The following LAPTM5 variants were observed in gnomAD, a reference collection of about 807,000 sequenced individuals.
The protein encoded by LAPTM5 is lysosomal-associated transmembrane protein 5.
Under a neutral mutation model 30.1 loss-of-function variants are expected in LAPTM5, and 11 were observed. That is an observed-to-expected ratio of 0.37 (90% CI 0.23 to 0.60). LAPTM5 has a LOEUF of 0.60. Ranked by LOEUF, LAPTM5 falls within the 20% of genes least tolerant of loss-of-function variation. The pLI, the probability that LAPTM5 is intolerant of heterozygous loss-of-function variation, is 0.71. For synonymous variants in LAPTM5, 151 were observed against 137.9 expected, an observed-to-expected ratio of 1.10 and a Z score of -0.67; for missense variants, 324 against 332.5, an observed-to-expected ratio of 0.97 and a Z score of 0.20.
chr1:30,741,555 C>T, intron 3 of LAPTM5, 85 bp downstream of exon 3: 1 of 979,814 alleles, frequency 1.0e-6, no homozygotes, highest in Non-Finnish European at 1.4e-6. Flanking sequence ...CCGCCTCCCA[C>T]CCTCTCAGCA....
chr1:30,752,212 G>T (rs1053154448), intron 1 of LAPTM5, among the ~76,000 whole-genome samples: 4 of 152,186 alleles, frequency 2.6e-5, no homozygotes, highest in African/African-American at 9.7e-5. Context: ...GTGCCAGCAG[G>T]GGGACCTGAA....
intron 1 of LAPTM5, among the ~76,000 whole-genome samples, chr1:30,748,616 C>A (rs922212033): frequency 6.6e-6 from 1 of 152,204 alleles, no homozygotes; most frequent in Non-Finnish European, 1.5e-5. Context: ...GCCAGCCCCC[C>A]AAGAGCACTA....
Position 30,757,754 on chromosome 1 carries a change from C to G in LAPTM5, c.-9G>C, listed in dbSNP as rs750377752. On this transcript the variant is annotated 5_prime_UTR_variant, in exon 1 of 8. Transcript: ENST00000294507. ...GACAAGCGGGGGTCCATGGTGCTGC[C>G]GTCCCCTCCTCTGAGACACTGAAGG... 5 of 1,612,380 alleles carry G rather than the reference C, an allele frequency of 3.1e-6. No homozygotes were observed. The highest frequency in any genetic ancestry group is 4.2e-6 in the Non-Finnish European group (5 of 1,179,406).
chr1:30,748,424 T>C (rs753772587), intron 1 of LAPTM5, among the ~76,000 whole-genome samples: 7 of 152,092 alleles, frequency 4.6e-5, no homozygotes, highest in Non-Finnish European at 8.8e-5. Flanking sequence ...ACTTCTGCCA[T>C]CATCATTATT....
rs1465450739 is a variant in LAPTM5, at chr1:30,739,988, T to G, written c.259-51A>C. On this transcript the variant is annotated intron_variant, in intron 3 of 7. Transcript: ENST00000294507. The surrounding 1 kb of genome is among the most constrained non-coding windows in gnomAD (Gnocchi z 4.2). ...AGTGTCCCCTGCATGCAGCCAACAC[T>G]CCGCCACCCAGCCTGATATCCTCAT... The G allele has an allele frequency of 6.0e-6, 9 of 1,498,290 alleles. No homozygotes were observed. The highest frequency in any genetic ancestry group is 8.1e-6 in the Non-Finnish European group (9 of 1,116,014). The allele number at this position is 1,498,290 out of a possible 1,614,324, so 92.8% of individuals were successfully genotyped here. A position where few individuals can be genotyped will look rare whatever the true frequency, so the allele number is the denominator to read the frequency against.
rs751072665 is a variant in LAPTM5 at position 30,746,605 on chromosome 1, C to T, written c.88-4056G>A. 3.3e-5 allele frequency among the ~76,000 whole-genome samples: 5 copies of T among 152,204 alleles called. No individual in the cohort carries two copies. Among genetic ancestry groups the T allele is most frequent in the Non-Finnish European group, 7.3e-5 (5 of 68,034 alleles). ...CTTCTCTCCCCCAACAATGCGCAGG[C>T]AGACAGCATGCCCTCACCCACTTGC... On this transcript the variant is annotated intron_variant, in intron 1 of 7. Coordinates refer to ENST00000294507, the MANE Select transcript of LAPTM5 (RefSeq NM_006762.3). The surrounding 1 kb of genome is among the most constrained non-coding windows in gnomAD (Gnocchi z 4.0).
intron 6 of LAPTM5, among the ~76,000 whole-genome samples, chr1:30,737,331 G>A (rs184789858): frequency 2.0e-4 from 31 of 152,200 alleles, no homozygotes; most frequent in African/African-American, 7.2e-4. Flanking sequence ...GGATTCAAAC[G>A]CAGGCCAGTC....
At chr1:30,741,542 T>C in intron 3 of LAPTM5, 98 bp downstream of exon 3, 1 of 782,076 alleles carries the variant, frequency 1.3e-6, no homozygotes, top group Non-Finnish European at 1.9e-6. Context: ...CCGCCTAACA[T>C]ACCCGCCTCC....
chr1:30,748,684 G>GA (rs1246666544), intron 1 of LAPTM5, among the ~76,000 whole-genome samples: 1 of 152,154 alleles, frequency 6.6e-6, no homozygotes, highest in East Asian at 1.9e-4. Context: ...CATTCCTGGG[G>GA]CCACGCACTC....
chr1:30,737,392 T>C (rs1469492251), intron 6 of LAPTM5, among the ~76,000 whole-genome samples: 1 of 152,002 alleles, frequency 6.6e-6, no homozygotes, highest in Non-Finnish European at 1.5e-5. Context: ...CAGGTGGCCT[T>C]TACGGATTCA....
rs574467527 is a variant in LAPTM5 at position 30,746,675 on chromosome 1, G to A, written c.88-4126C>T. On this transcript the variant is annotated intron_variant, in intron 1 of 7. Coordinates refer to ENST00000294507, the MANE Select transcript of LAPTM5 (RefSeq NM_006762.3). The surrounding 1 kb of genome is among the most constrained non-coding windows in gnomAD (Gnocchi z 4.0). ...TTCACCCACTGTCCCTTCATTCTAT[G>A]CTGGTGAGATCATGAAGATAAGAGC... is the stretch of plus-strand genomic sequence containing the variant. Among the ~76,000 whole-genome samples, 22 of 152,238 alleles carry A rather than the reference G, an allele frequency of 1.4e-4. No individual in the cohort carries two copies. The highest frequency in any genetic ancestry group is 4.1e-4 in the South Asian group (2 of 4,824).
At chr1:30,749,803 G>A (rs777682745) in intron 1 of LAPTM5, among the ~76,000 whole-genome samples, 23 of 152,326 alleles carry the variant, frequency 1.5e-4, no homozygotes, top group South Asian at 6.2e-4. Context: ...TTCAGGAAAC[G>A]GCAAGACGTT....
At chr1:30,748,481 A>C (rs949087102) in intron 1 of LAPTM5, among the ~76,000 whole-genome samples, 7 of 151,740 alleles carry the variant, frequency 4.6e-5, no homozygotes, top group African/African-American at 1.7e-4. Context: ...TCACCTGCCC[A>C]CCCTGATTTC....
chr1:30,755,970 A>AC (rs1640203420), intron 1 of LAPTM5, among the ~76,000 whole-genome samples: 1 of 152,294 alleles, frequency 6.6e-6, no homozygotes, highest in East Asian at 1.9e-4. Context: ...GCTGTCACTC[A>AC]CATGGCCTGC....
At chr1:30,742,682 G>A (rs1639988534) in intron 1 of LAPTM5, 133 bp from the exon 2 acceptor site, 3 of 678,882 alleles carry the variant, frequency 4.4e-6, no homozygotes, top group Non-Finnish European at 7.8e-6. Context: ...CAGGTCAGTA[G>A]GGCATCTCAG....
intron 1 of LAPTM5, among the ~76,000 whole-genome samples, chr1:30,744,700 GT>G (rs1421033307): frequency 2.0e-5 from 3 of 152,228 alleles, no homozygotes; most frequent in Non-Finnish European, 2.9e-5. Context: ...CACACAGCAA[GT>G]TGAGGGAGGA....
In LAPTM5 at chr1:30,739,831, T is replaced by G. The variant is rs1445544515; in HGVS notation, c.365A>C (p.Lys122Thr). 1 of 1,604,712 alleles carries G rather than the reference T, an allele frequency of 6.2e-7. No homozygotes were observed. Among genetic ancestry groups the G allele is most frequent in the African/African-American group, 1.3e-5 (1 of 74,572 alleles). The change falls in exon 4 of 8, where the codon AAG (lysine) becomes ACG (threonine). Residue 122 changes from lysine (K) to threonine (T), a missense_variant. Physicochemically the swap from Lys to Thr is moderately conservative, Grantham distance 78. Coordinates refer to ENST00000294507, the MANE Select transcript of LAPTM5 (RefSeq NM_006762.3). The surrounding 1 kb of genome is among the most constrained non-coding windows in gnomAD (Gnocchi z 4.2). ...CACAGCACGGCTCCGGGAGGCCAAC[T>G]TGAGGTAGGCGGGCAGCTCAATGTA... is the stretch of plus-strand genomic sequence containing the variant. ...GSYIELPAYL[K>T]LASRSRASSS...
intron 1 of LAPTM5, among the ~76,000 whole-genome samples, chr1:30,751,393 C>A (rs2124198092): frequency 6.6e-6 from 1 of 152,358 alleles, no homozygotes; most frequent in South Asian, 2.1e-4. Flanking sequence ...CCAGGGTTTT[C>A]CCCACCTGGC....
chr1:30,751,931 G>C (rs1262298586), intron 1 of LAPTM5, among the ~76,000 whole-genome samples: 1 of 152,244 alleles, frequency 6.6e-6, no homozygotes, highest in Non-Finnish European at 1.5e-5. Context: ...AAGTCACACT[G>C]CTGGTAAGTA....
Sources: gnomAD v4.1 joint callset for allele counts (sites outside exome capture counted in the v4.1 genomes callset) on GRCh38, gnomAD v4.1.1 for gene constraint, Gnocchi (gnomAD v3.1) non-coding constraint, MANE v1.5 for transcripts, NCBI Gene and HGNC (gene_info 2026-07-23, HGNC 2026-07-21) for gene names.